The following GPLD1 variants were observed in gnomAD, a reference collection of about 807,000 sequenced individuals.
GPLD1 encodes the protein phosphatidylinositol-glycan-specific phospholipase D.
Under a neutral mutation model 112.6 loss-of-function variants are expected in GPLD1, and 84 were observed. The ratio of observed to expected loss-of-function variants is 0.75; its 90% CI spans 0.63 to 0.89. The LOEUF is 0.89. Among genes scored for constraint, GPLD1 ranks in the 40% least tolerant of loss-of-function variants. The probability of loss-of-function intolerance (pLI) is 0.00; values close to 1 mark genes in which losing one functional copy is unlikely to be tolerated. For missense variants in GPLD1, 1,044 were observed against 1,051.5 expected (o/e 0.99, Z 0.10); for synonymous variants, 386 against 403.8 (o/e 0.96, Z 0.53).
chr6:24,467,333 A>ACAG (rs1045498705), intron 7 of GPLD1, 59 bp from the exon 8 acceptor site: 8 of 911,022 alleles, frequency 8.8e-6, no homozygotes, highest in Admixed American at 5.2e-5. Context: ...AATAGTAACA[A>ACAG]CAGCAGCAGC....
chr6:24,425,699 C>T (rs1444259638), downstream of GPLD1: 6 of 152,120 alleles, frequency 3.9e-5, no homozygotes, highest in Non-Finnish European at 7.3e-5. Flanking sequence ...GCAATCATAT[C>T]GCCTGTCAAA....
chr6:24,432,235 C>T (rs1762426229), intron 24 of GPLD1, among the ~76,000 whole-genome samples: 1 of 126,458 alleles, frequency 7.9e-6, no homozygotes, highest in African/African-American at 3.2e-5. Context: ...TGACAAGAGC[C>T]AGACTCTGTC....
At chr6:24,465,230 AAAAG>A (rs1763566290) in intron 10 of GPLD1, among the ~76,000 whole-genome samples, 2 of 148,818 alleles carry the variant, frequency 1.3e-5, no homozygotes, top group Non-Finnish European at 3.0e-5. Context: ...AAAAGAAAAG[AAAAG>A]AAAAAAAAAG....
chr6:24,452,083 G>C (rs118048303), intron 14 of GPLD1, among the ~76,000 whole-genome samples: 1 of 152,158 alleles, frequency 6.6e-6, no homozygotes, highest in Non-Finnish European at 1.5e-5. Flanking sequence ...TCCATCCTTC[G>C]TCCATGCCTT....
At chr6:24,470,038 A>T (rs1380816438) in intron 7 of GPLD1, among the ~76,000 whole-genome samples, 1 of 152,156 alleles carries the variant, frequency 6.6e-6, no homozygotes, top group Admixed American at 6.5e-5. Context: ...GAAACAAAAA[A>T]ACCCTGGGAG....
chr6:24,456,717 G>T (rs567043017), intron 12 of GPLD1, 80 bp from the exon 13 acceptor site: 2 of 927,818 alleles, frequency 2.2e-6, no homozygotes, highest in Non-Finnish European at 3.3e-6. Flanking sequence ...CAAAGTATTG[G>T]ACTTGTGTAA....
chr6:24,445,597 G>C lies in GPLD1; in HGVS notation c.1969C>G (p.Leu657Val), dbSNP rs141887683. ...ACTTGTTTCAGAGTCCCATTCATCAGTACGTGGCCACTGGAAAGGGAAGTA... is the reference window on the plus strand; with the variant it reads ...ACTTGTTTCAGAGTCCCATTCATCACTACGTGGCCACTGGAAAGGGAAGTA... The part of the protein sequence containing the change: ...LGTSLSSGHV[L>V]MNGTLKQVLL... Residue 657 changes from leucine (L) to valine (V), a missense_variant, in exon 20 of 25, where the codon CTG (leucine) becomes GTG (valine). Coordinates refer to ENST00000230036, the MANE Select transcript of GPLD1 (RefSeq NM_001503.4). 7 of 1,613,980 alleles carry C rather than the reference G, an allele frequency of 4.3e-6. No individual in the cohort carries two copies. Among genetic ancestry groups the C allele is most frequent in the Middle Eastern group, 3.3e-4 (2 of 6,062 alleles).
intron 12 of GPLD1, among the ~76,000 whole-genome samples, chr6:24,457,089 C>T (rs1277523198): frequency 1.3e-5 from 2 of 152,154 alleles, no homozygotes; most frequent in Non-Finnish European, 2.9e-5. Context: ...AGGCTGGTCT[C>T]GAATTCCTGA....
At chr6:24,459,693 T>A (rs2127348043) in intron 12 of GPLD1, among the ~76,000 whole-genome samples, 1 of 152,262 alleles carries the variant, frequency 6.6e-6, no homozygotes, top group East Asian at 1.9e-4. Context: ...TTTCATTTTA[T>A]ATCCCCCAGT....
intron 7 of GPLD1, among the ~76,000 whole-genome samples, chr6:24,468,277 A>G (rs931080696): frequency 6.6e-6 from 1 of 152,152 alleles, no homozygotes; most frequent in African/African-American, 2.4e-5. Context: ...ATTTGCCCAC[A>G]AGGAAATTCA....
intron 1 of GPLD1, among the ~76,000 whole-genome samples, chr6:24,494,627 C>T (rs1218564351): frequency 6.6e-6 from 1 of 152,134 alleles, no homozygotes; most frequent in East Asian, 1.9e-4. Context: ...GGGTCTCTAG[C>T]AGCGATTGGG....
chr6:24,447,847 T>C (rs1350554125), intron 17 of GPLD1, 30 bp downstream of exon 17: 22 of 1,610,614 alleles, frequency 1.4e-5, no homozygotes, highest in Admixed American at 3.3e-5. Flanking sequence ...AGAGCAGCCA[T>C]GGTCTCACCC....
intron 2 of GPLD1, among the ~76,000 whole-genome samples, chr6:24,484,150 C>T (rs1321358018): frequency 2.0e-5 from 3 of 152,120 alleles, no homozygotes; most frequent in African/African-American, 7.2e-5. Context: ...CTCCTGACCT[C>T]ATGATCTGCC....
At chr6:24,486,215 C>T (rs1764369742) in intron 1 of GPLD1, 85 bp from the exon 2 acceptor site, 1 of 867,686 alleles carries the variant, frequency 1.2e-6, no homozygotes, top group African/African-American at 1.7e-5. Context: ...AAGAAAAATA[C>T]ACAATTTGTG....
chr6:24,455,025 A>C (rs924316913), intron 13 of GPLD1, among the ~76,000 whole-genome samples: 2 of 152,232 alleles, frequency 1.3e-5, no homozygotes, highest in African/African-American at 4.8e-5. Flanking sequence ...GCTACTTTGG[A>C]GGCTGAGGCA....
At chr6:24,424,295 G>T (rs369243656), downstream of GPLD1, 1 of 151,956 alleles carries the variant, frequency 6.6e-6, no homozygotes, top group Admixed American at 6.6e-5. Context: ...AAGATTTCAC[G>T]TTCTCAGCCC....
intron 7 of GPLD1, 49 bp downstream of exon 7, chr6:24,472,533 C>T (rs755933270): frequency 9.7e-7 from 1 of 1,029,968 alleles, no homozygotes. Flanking sequence ...AAAGTCAAGG[C>T]TCTAAATGCC....
At chr6:24,482,838 G>A (rs531199611) in intron 2 of GPLD1, among the ~76,000 whole-genome samples, 18 of 152,118 alleles carry the variant, frequency 1.2e-4, no homozygotes, top group Middle Eastern at 3.4e-3. Flanking sequence ...GCAGCTACTT[G>A]GGAGGCTGAG....
At chr6:24,444,769 T>C (rs896228760) in intron 20 of GPLD1, among the ~76,000 whole-genome samples, 1 of 152,046 alleles carries the variant, frequency 6.6e-6, no homozygotes, top group Admixed American at 6.5e-5. Context: ...AGGTTCACTT[T>C]GCCCAGGAGG....
Sources: gnomAD v4.1 joint callset for allele counts (sites outside exome capture counted in the v4.1 genomes callset) on GRCh38, gnomAD v4.1.1 for gene constraint, MANE v1.5 for transcripts, NCBI Gene and HGNC (gene_info 2026-07-23, HGNC 2026-07-21) for gene names.